Variants in GTF2IRD1 observed in about 807,000 individuals in gnomAD.
The protein encoded by GTF2IRD1 is general transcription factor II-I repeat domain-containing protein 1.
GTF2IRD1 carries 26 observed loss-of-function variants against 113.2 expected under a neutral mutation model. That is an observed-to-expected ratio of 0.23 (90% CI 0.17 to 0.32). GTF2IRD1 has a LOEUF of 0.32. Ranked by LOEUF, GTF2IRD1 falls within the 10% of genes least tolerant of loss-of-function variation. GTF2IRD1 has a pLI of 1.00. For missense variants in GTF2IRD1, 864 were observed against 1,280.8 expected, an observed-to-expected ratio of 0.67 and a Z score of 4.97; for synonymous variants, 484 against 529.1, an observed-to-expected ratio of 0.91 and a Z score of 1.17.
chr7:74,482,955 A>C (rs2267835), intron 1 of GTF2IRD1, among the ~76,000 whole-genome samples: 1 of 152,340 alleles, frequency 6.6e-6, no homozygotes, highest in African/African-American at 2.4e-5. Flanking sequence ...ATTACTGCCC[A>C]TCGTCAAAGA....
At chr7:74,565,921 C>T (rs996155896) in intron 22 of GTF2IRD1, among the ~76,000 whole-genome samples, 9 of 151,840 alleles carry the variant, frequency 5.9e-5, no homozygotes, top group Admixed American at 5.9e-4. Flanking sequence ...GAGTTTGAGG[C>T]TGCAGCGAGC....
At chr7:74,510,413 T>C (rs1554342576) in intron 2 of GTF2IRD1, among the ~76,000 whole-genome samples, 1 of 151,476 alleles carries the variant, frequency 6.6e-6, no homozygotes. Context: ...CTCAAGTGAT[T>C]CTCCTGCCTC....
At chr7:74,567,008 C>A (rs1800359710) in intron 22 of GTF2IRD1, among the ~76,000 whole-genome samples, 1 of 152,114 alleles carries the variant, frequency 6.6e-6, no homozygotes, top group African/African-American at 2.4e-5. Context: ...TGTAGTTAAT[C>A]CTTTGAGTTC....
At chr7:74,481,437 G>T (rs1244652138) in intron 1 of GTF2IRD1, among the ~76,000 whole-genome samples, 2 of 152,188 alleles carry the variant, frequency 1.3e-5, no homozygotes, top group East Asian at 3.8e-4. Context: ...GGGATTACAG[G>T]AGTGAGCCAC....
intron 17 of GTF2IRD1, among the ~76,000 whole-genome samples, chr7:74,551,794 G>A (rs1284754656): frequency 6.6e-6 from 1 of 152,038 alleles, no homozygotes; most frequent in African/African-American, 2.4e-5. Context: ...AAATTAGCCG[G>A]GTGTGGTGGC....
At chr7:74,563,635 T>C (rs1226570682) in intron 22 of GTF2IRD1, among the ~76,000 whole-genome samples, 8 of 149,620 alleles carry the variant, frequency 5.3e-5, no homozygotes, top group Non-Finnish European at 1.2e-4. Context: ...CCTGTAATCC[T>C]AGCACTTTGG....
intron 25 of GTF2IRD1, among the ~76,000 whole-genome samples, chr7:74,596,459 CAAAA>C (rs1184751959): frequency 1.7e-5 from 1 of 60,504 alleles, no homozygotes; most frequent in African/African-American, 6.7e-5. Context: ...GACTCTGTCT[CAAAA>C]AAAAAAAAAA....
At chr7:74,481,872 G>A (rs1584489258) in intron 1 of GTF2IRD1, among the ~76,000 whole-genome samples, 1 of 152,228 alleles carries the variant, frequency 6.6e-6, no homozygotes, top group Non-Finnish European at 1.5e-5. Flanking sequence ...CCTGAAACAC[G>A]TCACAGCGTC....
intron 22 of GTF2IRD1, among the ~76,000 whole-genome samples, chr7:74,580,600 G>C (rs1198919318): frequency 6.6e-6 from 1 of 151,944 alleles, no homozygotes. Context: ...GCAAATTTCA[G>C]TTACTCCTTG....
chr7:74,554,760 A>C (rs1799499990), intron 17 of GTF2IRD1, among the ~76,000 whole-genome samples: 2 of 152,018 alleles, frequency 1.3e-5, no homozygotes, highest in South Asian at 4.2e-4. Context: ...CTGGTCTCAG[A>C]CTCCTGACCT....
intron 25 of GTF2IRD1, among the ~76,000 whole-genome samples, chr7:74,597,605 C>A (rs1802501935): frequency 6.6e-6 from 1 of 152,100 alleles, no homozygotes; most frequent in South Asian, 2.1e-4. Context: ...CCCCAGCATC[C>A]CAAAGTGCTG....
In GTF2IRD1 at chr7:74,512,806, T is replaced by A; in HGVS notation, c.124-24T>A. 1.2e-6 allele frequency: 2 copies of A among 1,611,708 alleles called. No homozygotes were observed. The highest frequency in any genetic ancestry group is 1.7e-6 in the Non-Finnish European group (2 of 1,178,874). On this transcript the variant is annotated intron_variant, in intron 2 of 26. Coordinates refer to ENST00000424337, the MANE Select transcript of GTF2IRD1 (RefSeq NM_005685.4). The surrounding 1 kb of genome is among the most constrained non-coding windows in gnomAD (Gnocchi z 4.4). The stretch of plus-strand genomic sequence containing the variant: ...TTCGGAGTATGGGGAGCCCTTCCGC[T>A]CACACAGCCTGCCCTTCCCACAGTG...
In GTF2IRD1 at chr7:74,523,956, G is replaced by A. The variant is rs868913430; in HGVS notation, c.1007-115G>A. 3.6e-5 allele frequency: 26 copies of A among 712,884 alleles called. No homozygotes were observed. The Middle Eastern group carries it at 8.5e-4, about 23-fold the overall frequency. The allele number at this position is 712,884 out of a possible 1,614,324, so 44.2% of individuals were successfully genotyped here. A position where few individuals can be genotyped will look rare whatever the true frequency, so the allele number is the denominator to read the frequency against. On this transcript the variant is annotated intron_variant, in intron 7 of 26. Transcript: ENST00000424337. ...AGGTGGGAGAGGGTGGAAGGACTGGGGGCTGGGGCCGGCCTCGGGGGCTCT... is the reference window on the plus strand; with the variant it reads ...AGGTGGGAGAGGGTGGAAGGACTGGAGGCTGGGGCCGGCCTCGGGGGCTCT...
At chr7:74,588,874 C>T (rs1554368616) in intron 22 of GTF2IRD1, among the ~76,000 whole-genome samples, 3 of 152,114 alleles carry the variant, frequency 2.0e-5, no homozygotes, top group Non-Finnish European at 2.9e-5. Context: ...GGGGAGGTCT[C>T]CCCAGACTTG....
rs1554352798 is a variant in GTF2IRD1 at position 74,544,821 on chromosome 7, C to T, written c.1666+19C>T. 3 of 1,609,172 alleles carry T rather than the reference C, an allele frequency of 1.9e-6. No homozygotes were observed. The Admixed American group carries it at 5.0e-5, about 27-fold the overall frequency. On this transcript the variant is annotated intron_variant, in intron 15 of 26. Transcript: ENST00000424337. ...GTGGAGGGTGAGGCCCTGTCTACCCCTGACATTTTACACCCACCCCCACCC... is the reference window on the plus strand; with the variant it reads ...GTGGAGGGTGAGGCCCTGTCTACCCTTGACATTTTACACCCACCCCCACCC...
chr7:74,538,857 C>CTGTTTCTCTCTGTGGATT, intron 13 of GTF2IRD1, 97 bp downstream of exon 13: 1 of 694,078 alleles, frequency 1.4e-6, no homozygotes, highest in South Asian at 1.7e-5. Context: ...CTCCAGGCCG[C>CTGTTTCTCTCTGTGGATT]TGTTTCTCTC....
At chr7:74,558,493 G>A (rs781929618) in intron 20 of GTF2IRD1, among the ~76,000 whole-genome samples, 60 of 150,768 alleles carry the variant, frequency 4.0e-4, no homozygotes, top group Middle Eastern at 3.2e-3. Flanking sequence ...CCAAGTGGCT[G>A]GAACTACACC....
At chr7:74,467,348 G>A (rs963763247) in intron 1 of GTF2IRD1, among the ~76,000 whole-genome samples, 1 of 152,192 alleles carries the variant, frequency 6.6e-6, no homozygotes, top group African/African-American at 2.4e-5. Context: ...CATCTGGAGG[G>A]CAGTGGCGAT....
intron 1 of GTF2IRD1, among the ~76,000 whole-genome samples, chr7:74,484,914 T>A (rs1335087563): frequency 2.0e-5 from 3 of 152,226 alleles, no homozygotes; most frequent in Non-Finnish European, 4.4e-5. Context: ...TTGAGACTAT[T>A]ACTGTTTTAT....
Sources: gnomAD v4.1 joint callset for allele counts (sites outside exome capture counted in the v4.1 genomes callset) on GRCh38, gnomAD v4.1.1 for gene constraint, Gnocchi (gnomAD v3.1) non-coding constraint, MANE v1.5 for transcripts, NCBI Gene and HGNC (gene_info 2026-07-23, HGNC 2026-07-21) for gene names.